DCAF5: variants seen among roughly 807,000 people sequenced by gnomAD.
The protein encoded by DCAF5 is DDB1- and CUL4-associated factor 5.
A neutral mutation model predicts 80.7 loss-of-function variants in DCAF5; 9 were observed. The observed-to-expected ratio is 0.11, with a 90% CI of 0.07 to 0.19. The LOEUF is 0.19. DCAF5 is among the 10% of genes least tolerant of loss of function. DCAF5 has a pLI of 1.00. For missense variants in DCAF5, 842 were observed against 1,205.7 expected (o/e 0.70, Z 4.47); for synonymous variants, 433 against 461.9 (o/e 0.94, Z 0.80).
At chr14:69,108,222 AGTGCCAG>A (rs2040231469) in intron 5 of DCAF5, among the ~76,000 whole-genome samples, 1 of 152,256 alleles carries the variant, frequency 6.6e-6, no homozygotes, top group Admixed American at 6.5e-5. Flanking sequence ...GTGCCAAAAT[AGTGCCAG>A]GTGCCGGGGG....
At chr14:69,079,852 T>TAA (rs2039036332) in intron 6 of DCAF5, among the ~76,000 whole-genome samples, 2 of 152,230 alleles carry the variant, frequency 1.3e-5, no homozygotes, top group Admixed American at 1.3e-4. Context: ...TATATATATA[T>TAA]AATGTGTCCA....
intron 1 of DCAF5, among the ~76,000 whole-genome samples, chr14:69,122,742 G>A (rs2040759616): frequency 6.6e-6 from 1 of 152,030 alleles, no homozygotes; most frequent in African/African-American, 2.4e-5. Context: ...TGACTTCCAG[G>A]GCTTGCAATC....
rs555113392 is a variant in DCAF5, at chr14:69,140,968, T to C, written c.214+11797A>G. ...GGCCAACACGGTGAAACCCCGTCTT[T>C]ACTAAAAGTACAAAAATTAGCCAGG... is the stretch of plus-strand genomic sequence containing the variant. On this transcript the variant is annotated intron_variant, in intron 1 of 8. Coordinates refer to ENST00000341516, the MANE Select transcript of DCAF5 (RefSeq NM_003861.3). Among the ~76,000 whole-genome samples, 420 of 151,890 alleles carry C rather than the reference T, an allele frequency of 2.8e-3. 1 individual carries two copies. The highest frequency in any genetic ancestry group is 3.7e-3 in the Non-Finnish European group (249 of 67,906).
At chr14:69,146,816 A>G (rs1257668596) in intron 1 of DCAF5, among the ~76,000 whole-genome samples, 2 of 152,240 alleles carry the variant, frequency 1.3e-5, no homozygotes, top group African/African-American at 4.8e-5. Context: ...TTATCAGTAA[A>G]TAGAAAAGGC....
intron 1 of DCAF5, among the ~76,000 whole-genome samples, chr14:69,149,833 A>G (rs1013374089): frequency 6.6e-6 from 1 of 152,270 alleles, no homozygotes; most frequent in Non-Finnish European, 1.5e-5. Flanking sequence ...CATTAGCCTC[A>G]GAATACTGTG....
Position 69,076,280 on chromosome 14 carries a change from C to T in DCAF5, c.880-869G>A, listed in dbSNP as rs570459400. Among the ~76,000 whole-genome samples the T allele has an allele frequency of 2.0e-5, 3 of 152,296 alleles. No homozygotes were observed. The South Asian group carries it at 6.2e-4, about 32-fold the overall frequency. ...GAACTACCACATGATGCAGCAATTA[C>T]AATCCTAGGTATATATCCAAGAATT... is the stretch of plus-strand genomic sequence containing the variant. On this transcript the variant is annotated intron_variant, in intron 6 of 8. Transcript: ENST00000341516.
rs2041752506 is a variant in DCAF5, at chr14:69,152,875, C to T, written c.104G>A (p.Arg35Lys). The T allele has an allele frequency of 6.2e-7, 1 of 1,614,040 alleles. No homozygotes were observed. The highest frequency in any genetic ancestry group is 1.3e-5 in the African/African-American group (1 of 74,926). ...GTTTCTGCAGCCCCGCAGGCGTCTC[C>T]TCTGAAAGTCCTGAGTGAGCAGGGG... Reference protein sequence around the residue: ...GDPLLTQDFQRRRLRGCRNLY... With the variant: ...GDPLLTQDFQKRRLRGCRNLY... Residue 35 changes from arginine to lysine, a missense_variant, in exon 1 of 9, where the codon AGG (arginine) becomes AAG (lysine). Physicochemically the swap from Arg to Lys is conservative, Grantham distance 26. Transcript: ENST00000341516. This position sits in a 1 kb window ranked among gnomAD's most constrained non-coding sequence, Gnocchi z 4.1.
Position 69,091,890 on chromosome 14 carries a change from G to A in DCAF5, c.666-3C>T, listed in dbSNP as rs752350895. The A allele has an allele frequency of 6.9e-5, 111 of 1,608,872 alleles. No homozygotes were observed. The highest frequency in any genetic ancestry group is 8.7e-5 in the Non-Finnish European group (103 of 1,177,298). On this transcript the variant is annotated splice_polypyrimidine_tract_variant and splice_region_variant and intron_variant, in intron 5 of 8. Coordinates refer to ENST00000341516, the MANE Select transcript of DCAF5 (RefSeq NM_003861.3). ...TTCCACCATAGCGCAGGAGAGAACTGGAAGGCACAAGGCACAGGAATCAGG... is the reference window on the plus strand; with the variant it reads ...TTCCACCATAGCGCAGGAGAGAACTAGAAGGCACAAGGCACAGGAATCAGG...
At chr14:69,115,089 C>T (rs1292337143) in intron 5 of DCAF5, among the ~76,000 whole-genome samples, 12 of 152,130 alleles carry the variant, frequency 7.9e-5, no homozygotes, top group Non-Finnish European at 8.8e-5. Flanking sequence ...AACAGTTGTT[C>T]CTAAAGAGCC....
intron 6 of DCAF5, among the ~76,000 whole-genome samples, chr14:69,080,660 A>G (rs1594959913): frequency 1.3e-5 from 2 of 152,338 alleles, no homozygotes; most frequent in South Asian, 2.1e-4. Flanking sequence ...TCTGGCCTAG[A>G]TAACAGAAAG....
chr14:69,062,634 A>G, intron 7 of DCAF5, 123 bp from the exon 8 acceptor site: 1 of 1,042,428 alleles, frequency 9.6e-7, no homozygotes. Flanking sequence ...CACCAGCAGA[A>G]TGCTTAATCT....
At chr14:69,099,352 T>C (rs1165949963) in intron 5 of DCAF5, among the ~76,000 whole-genome samples, 1 of 151,100 alleles carries the variant, frequency 6.6e-6, no homozygotes, top group African/African-American at 2.4e-5. Flanking sequence ...TCTTAACATT[T>C]GTCTACCCAT....
intron 7 of DCAF5, among the ~76,000 whole-genome samples, chr14:69,067,513 T>C (rs891349256): frequency 2.6e-5 from 4 of 151,776 alleles, no homozygotes; most frequent in Non-Finnish European, 5.9e-5. Flanking sequence ...CTGGCTAATT[T>C]TTTGTACTTT....
chr14:69,150,350 C>T (rs1037301063), intron 1 of DCAF5, among the ~76,000 whole-genome samples: 2 of 152,080 alleles, frequency 1.3e-5, no homozygotes, highest in Admixed American at 6.5e-5. Flanking sequence ...TACCCAGAAT[C>T]GAAAGGTCTG....
Position 69,152,688 on chromosome 14 carries a change from A to T in DCAF5, c.214+77T>A. 1 of 976,478 alleles carries T rather than the reference A, an allele frequency of 1.0e-6. No individual in the cohort carries two copies. The highest frequency in any genetic ancestry group is 1.4e-6 in the Non-Finnish European group (1 of 702,660). The allele number at this position is 976,478 out of a possible 1,614,324, so 60.5% of individuals were successfully genotyped here. On this transcript the variant is annotated intron_variant, in intron 1 of 8. Transcript: ENST00000341516. This position sits in a 1 kb window ranked among gnomAD's most constrained non-coding sequence, Gnocchi z 4.1. ...GGGGGTGGGGACAGAGGGCAGGAGG[A>T]GGGTGACGGGGGAGAGCGAGAGGGG...
chr14:69,053,631 G>T lies in DCAF5; in HGVS notation c.*226C>A. The T allele has an allele frequency of 2.0e-6, 1 of 493,942 alleles. No individual in the cohort carries two copies. Among genetic ancestry groups the T allele is most frequent in the Non-Finnish European group, 3.4e-6 (1 of 293,616 alleles). 30.6% of individuals were successfully genotyped at this position (493,942 alleles called of 1,614,324 possible). On this transcript the variant is annotated 3_prime_UTR_variant, in exon 9 of 9. Coordinates refer to ENST00000341516, the MANE Select transcript of DCAF5 (RefSeq NM_003861.3). ...GTCTCACTAGAAAGGAGTCACTTGG[G>T]TTATTTTTTTTTCCCCTTTCTTAAC...
chr14:69,060,407 T>A (rs2038160571), intron 8 of DCAF5, among the ~76,000 whole-genome samples: 1 of 152,204 alleles, frequency 6.6e-6, no homozygotes, highest in Non-Finnish European at 1.5e-5. Context: ...GATTTCCTCA[T>A]TCTAGCCCCA....
At position 69,052,367 on chromosome 14, in the gene DCAF5, G is replaced by A. The variant is rs2139811729; in HGVS notation, c.*1490C>T. 1 of 152,694 alleles carries A rather than the reference G, an allele frequency of 6.5e-6. No homozygotes were observed. Among genetic ancestry groups the A allele is most frequent in the Middle Eastern group, 3.4e-3 (1 of 292 alleles). 9.5% of individuals were successfully genotyped at this position (152,694 alleles called of 1,614,324 possible). A position where few individuals can be genotyped will look rare whatever the true frequency, so the allele number is the denominator to read the frequency against. ...GTGAGGCCACACTAGTCAGCGTTCG[G>A]CCCTCCCTACACCAATCCCAGCTGG... is the stretch of plus-strand genomic sequence containing the variant. On this transcript the variant is annotated 3_prime_UTR_variant, in exon 9 of 9. Transcript: ENST00000341516.
intron 1 of DCAF5, among the ~76,000 whole-genome samples, chr14:69,151,425 A>T (rs1406529853): frequency 6.6e-6 from 1 of 152,152 alleles, no homozygotes; most frequent in Non-Finnish European, 1.5e-5. Context: ...AAGATCCCAG[A>T]AGTTTCTGGC....
Sources: allele counts gnomAD v4.1 joint callset (sites outside exome capture counted in the v4.1 genomes callset), GRCh38; gene constraint gnomAD v4.1.1; non-coding constraint Gnocchi (gnomAD v3.1); transcripts MANE v1.5; gene names NCBI Gene and HGNC (gene_info 2026-07-23, HGNC 2026-07-21).